The following FGF16 variants were observed in gnomAD, a reference collection of about 807,000 sequenced individuals.
FGF16 encodes metacarpal 4-5 fusion.
Under a neutral mutation model 8.5 loss-of-function variants are expected in FGF16, and 2 were observed. The ratio of observed to expected loss-of-function variants is 0.24; its 90% CI spans 0.10 to 0.75. The LOEUF (loss-of-function observed/expected upper bound fraction) is 0.75, where lower values mean the gene tolerates loss of function less well. FGF16 is among the 30% of genes least tolerant of loss of function. The pLI is 0.74. For synonymous variants in FGF16, 33 were observed against 34.6 expected (o/e 0.95, Z 0.16); for missense variants, 79 against 87.4 (o/e 0.90, Z 0.38).
Position 77,456,856 on chromosome X carries a change from A to G in FGF16, c.*334A>G, listed in dbSNP as rs2062574170. The G allele has an allele frequency of 6.3e-6, 1 of 159,486 alleles. No individual in the cohort carries two copies. The highest frequency in any genetic ancestry group is 1.8e-4 in the South Asian group (1 of 5,434). The allele number at this position is 159,486 out of a possible 1,213,427, so 13.1% of individuals were successfully genotyped here. A position where few individuals can be genotyped will look rare whatever the true frequency, so the allele number is the denominator to read the frequency against. Reference sequence around the variant, plus strand: ...CCCCACAATTTACTCAAATACCTTGACAATGGGTATAAATGAAAGGCCAAG... The same window carrying G: ...CCCCACAATTTACTCAAATACCTTGGCAATGGGTATAAATGAAAGGCCAAG... On this transcript the variant is annotated 3_prime_UTR_variant, in exon 3 of 3. Transcript: ENST00000439435.
intron 1 of FGF16, among the ~76,000 whole-genome samples, chrX:77,452,726 C>A (rs1311835460): frequency 1.8e-5 from 2 of 111,948 alleles, no homozygotes; most frequent in Non-Finnish European, 3.8e-5. Flanking sequence ...AATTCTTGAT[C>A]TTGGAAAATC....
chrX:77,454,260 G>C lies in FGF16; in HGVS notation c.378G>C (p.Ser126=), dbSNP rs781972271. 1.1e-5 allele frequency: 6 copies of C among 564,241 alleles called. No individual in the cohort carries two copies. The highest frequency in any genetic ancestry group is 3.8e-5 in the Admixed American group (1 of 26,464). 46.5% of individuals were successfully genotyped at this position (564,241 alleles called of 1,213,427 possible). A position where few individuals can be genotyped will look rare whatever the true frequency, so the allele number is the denominator to read the frequency against. ...GMNERGELYG[S]KKLTRECVFR... Reference sequence around the variant, plus strand: ...ATGAGCGAGGAGAACTCTATGGGTCGGTAAGTTTAAGGTTTTTTTTTTTTT... The same window carrying C: ...ATGAGCGAGGAGAACTCTATGGGTCCGTAAGTTTAAGGTTTTTTTTTTTTT... The change falls in exon 2 of 3, where the codon TCG becomes TCC. Residue 126 remains serine (S), a splice_region_variant and synonymous_variant. Transcript: ENST00000439435.
chrX:77,450,505 G>A (rs2062553990), intron 1 of FGF16, among the ~76,000 whole-genome samples: 1 of 112,716 alleles, frequency 8.9e-6, no homozygotes, highest in Admixed American at 9.4e-5. Flanking sequence ...TGGCAGAGCA[G>A]AGCTTGGGAG....
intron 2 of FGF16, 70 bp from the exon 3 acceptor site, chrX:77,456,207 C>T: frequency 2.9e-6 from 3 of 1,050,477 alleles, no homozygotes; most frequent in Non-Finnish European, 4.0e-6. Flanking sequence ...TTCAGGGTTT[C>T]TCTACTAGCA....
At chrX:77,449,415 G>A (rs1460771659) in intron 1 of FGF16, among the ~76,000 whole-genome samples, 1 of 110,854 alleles carries the variant, frequency 9.0e-6, no homozygotes, top group Admixed American at 9.7e-5. Flanking sequence ...TTGTGATTTT[G>A]CAGTCCCCTT....
At chrX:77,451,431 C>T (rs1057213450) in intron 1 of FGF16, among the ~76,000 whole-genome samples, 2 of 112,252 alleles carry the variant, frequency 1.8e-5, no homozygotes, top group Non-Finnish European at 3.8e-5. Context: ...AAGGCTCCCA[C>T]GTTAGTGTCC....
rs1000682037 is a variant in FGF16 at position 77,447,479 on chromosome X, G to A, written c.-196G>A. 12 of 275,361 alleles carry A rather than the reference G, an allele frequency of 4.4e-5. No individual in the cohort carries two copies. Among genetic ancestry groups the A allele is most frequent in the Middle Eastern group, 9.7e-4 (1 of 1,028 alleles). The allele number at this position is 275,361 out of a possible 1,213,427, so 22.7% of individuals were successfully genotyped here. A position where few individuals can be genotyped will look rare whatever the true frequency, so the allele number is the denominator to read the frequency against. ...AGCAAGGTCAGGAGCACGCTGCCCC[G>A]CGCTCCCCGCCACTGAGAAGTTCCT... is the stretch of plus-strand genomic sequence containing the variant. On this transcript the variant is annotated 5_prime_UTR_variant, in exon 1 of 3. Coordinates refer to ENST00000439435, the MANE Select transcript of FGF16 (RefSeq NM_003868.3).
intron 1 of FGF16, among the ~76,000 whole-genome samples, chrX:77,450,434 G>C (rs2062553677): frequency 8.9e-6 from 1 of 112,369 alleles, no homozygotes; most frequent in African/African-American, 3.2e-5. Flanking sequence ...ATCACCGCCT[G>C]GCTGGTAGCA....
At chrX:77,450,775 T>C in intron 1 of FGF16, among the ~76,000 whole-genome samples, 1 of 111,110 alleles carries the variant, frequency 9.0e-6, no homozygotes, top group Non-Finnish European at 1.9e-5. Flanking sequence ...GGGAGAGAGG[T>C]ATAAGAAGTG....
At chrX:77,452,709 C>T (rs1233407905) in intron 1 of FGF16, among the ~76,000 whole-genome samples, 1 of 112,002 alleles carries the variant, frequency 8.9e-6, no homozygotes, top group Non-Finnish European at 1.9e-5. Flanking sequence ...TAAAATTAGC[C>T]GCTTAAAATT....
Position 77,457,110 on chromosome X carries a change from G to A in FGF16, c.*588G>A, listed in dbSNP as rs1335479620. 1.8e-5 allele frequency: 2 copies of A among 111,480 alleles called. No homozygotes were observed. The highest frequency in any genetic ancestry group is 3.3e-5 in the African/African-American group (1 of 30,680). 9.2% of individuals were successfully genotyped at this position (111,480 alleles called of 1,213,427 possible). On this transcript the variant is annotated 3_prime_UTR_variant, in exon 3 of 3. Transcript: ENST00000439435. ...CATAAGGACAAACTATTTATAAAATGTATATGCTATTTATTTTATATATTT... is the reference window on the plus strand; with the variant it reads ...CATAAGGACAAACTATTTATAAAATATATATGCTATTTATTTTATATATTT...
At position 77,456,401 on chromosome X, in the gene FGF16, A is replaced by G; in HGVS notation, c.503A>G (p.Asp168Gly). The change falls in exon 3 of 3, where the codon GAT (aspartate) becomes GGT (glycine). Residue 168 changes from aspartate to glycine, a missense_variant. Coordinates refer to ENST00000439435, the MANE Select transcript of FGF16 (RefSeq NM_003868.3). ...ERQYYVALNKDGSPREGYRTK... is the reference protein window; with the variant it reads ...ERQYYVALNKGGSPREGYRTK... ...CAGTATTACGTGGCCCTGAACAAAG[A>G]TGGCTCACCCCGGGAGGGATACAGG... 8.3e-7 allele frequency: 1 copy of G among 1,210,946 alleles called. No homozygotes were observed. Among genetic ancestry groups the G allele is most frequent in the Non-Finnish European group, 1.1e-6 (1 of 894,912 alleles).
intron 2 of FGF16, among the ~76,000 whole-genome samples, 165 bp downstream of exon 2, chrX:77,454,425 C>A (rs1417858228): frequency 1.9e-5 from 2 of 106,011 alleles, no homozygotes; most frequent in Non-Finnish European, 3.9e-5. Flanking sequence ...CTGAGGTGGG[C>A]GGATCACAAG....
At chrX:77,453,092 CA>C (rs2062561956) in intron 1 of FGF16, among the ~76,000 whole-genome samples, 1 of 110,927 alleles carries the variant, frequency 9.0e-6, no homozygotes, top group South Asian at 3.8e-4. Context: ...AACAAACAAA[CA>C]AAAAAACAGA....
At chrX:77,449,239 T>C (rs2062550169) in intron 1 of FGF16, among the ~76,000 whole-genome samples, 1 of 111,415 alleles carries the variant, frequency 9.0e-6, no homozygotes, top group Admixed American at 9.6e-5. Context: ...ATGAGGTCTA[T>C]GGTATCTTGG....
rs2062546033 is a variant in FGF16 at position 77,447,978 on chromosome X, G to A, written c.274+30G>A. 6.1e-5 allele frequency: 18 copies of A among 297,045 alleles called. No individual in the cohort carries two copies. The South Asian group carries it at 3.4e-3, about 56-fold the overall frequency. The allele number at this position is 297,045 out of a possible 1,213,427, so 24.5% of individuals were successfully genotyped here. On this transcript the variant is annotated intron_variant, in intron 1 of 2. Coordinates refer to ENST00000439435, the MANE Select transcript of FGF16 (RefSeq NM_003868.3). Reference sequence around the variant, plus strand: ...GGACGCGGTCGGGGGAACGGGAGGCGGGCGGACGGCGCACTGGGGAGCCCA... The same window carrying A: ...GGACGCGGTCGGGGGAACGGGAGGCAGGCGGACGGCGCACTGGGGAGCCCA...
chrX:77,447,456 C>T lies in FGF16; in HGVS notation c.-219C>T. On this transcript the variant is annotated 5_prime_UTR_variant, in exon 1 of 3. Coordinates refer to ENST00000439435, the MANE Select transcript of FGF16 (RefSeq NM_003868.3). ...GGGGAAGAGGCACTTTGACTGAGAG[C>T]AAGGTCAGGAGCACGCTGCCCCGCG... The T allele has an allele frequency of 3.7e-6, 1 of 271,397 alleles. No homozygotes were observed. The highest frequency in any genetic ancestry group is 6.5e-6 in the Non-Finnish European group (1 of 153,792). The allele number at this position is 271,397 out of a possible 1,213,427, so 22.4% of individuals were successfully genotyped here. A position where few individuals can be genotyped will look rare whatever the true frequency, so the allele number is the denominator to read the frequency against.
intron 1 of FGF16, among the ~76,000 whole-genome samples, chrX:77,451,471 T>C (rs1423853811): frequency 8.9e-6 from 1 of 112,119 alleles, no homozygotes; most frequent in Admixed American, 9.5e-5. Context: ...AACTGAATCA[T>C]GACCTGGTTT....
intron 2 of FGF16, 127 bp from the exon 3 acceptor site, chrX:77,456,150 C>G: frequency 5.0e-6 from 3 of 595,595 alleles, no homozygotes; most frequent in African/African-American, 2.2e-5. Flanking sequence ...TCCAGTAATA[C>G]AGAGAGATAG....
Sources: gnomAD v4.1 joint callset for allele counts (sites outside exome capture counted in the v4.1 genomes callset) on GRCh38, gnomAD v4.1.1 for gene constraint, MANE v1.5 for transcripts, NCBI Gene and HGNC (gene_info 2026-07-23, HGNC 2026-07-21) for gene names.